The following MTFP1 variants were observed in gnomAD, a reference collection of about 807,000 sequenced individuals.
The protein encoded by MTFP1 is mitochondrial fission process 1.
Under a neutral mutation model 17.1 loss-of-function variants are expected in MTFP1, and 19 were observed. The observed-to-expected ratio is 1.11, with a 90% CI of 0.77 to 1.63. The LOEUF is 1.63. MTFP1 is among the 40% of genes most tolerant of loss of function. The probability of loss-of-function intolerance (pLI) is 0.00; values close to 1 mark genes in which losing one functional copy is unlikely to be tolerated. For synonymous variants in MTFP1, 89 were observed against 95.2 expected, an observed-to-expected ratio of 0.93 and a Z score of 0.38; for missense variants, 221 against 226.2, an observed-to-expected ratio of 0.98 and a Z score of 0.15.
intron 1 of MTFP1, among the ~76,000 whole-genome samples, chr22:30,426,259 TTC>T (rs879536424): frequency 9.2e-5 from 14 of 152,190 alleles, no homozygotes; most frequent in Non-Finnish European, 1.9e-4. Flanking sequence ...GAACCTCAGT[TTC>T]CTCCTCGGCA....
chr22:30,428,478 C>T lies in MTFP1; in HGVS notation c.445C>T (p.Leu149=), dbSNP rs780445606. The T allele has an allele frequency of 2.5e-6, 4 of 1,614,152 alleles. No individual in the cohort carries two copies. The highest frequency in any genetic ancestry group is 3.4e-6 in the Non-Finnish European group (4 of 1,180,020). The change falls in exon 4 of 4, where the codon CTG becomes TTG. Residue 149 remains leucine (L), a synonymous_variant. Transcript: ENST00000266263. ...HPIDRSVDFL[L]DSSLRKLYPT... Reference sequence around the variant, plus strand: ...TCCCTACAGGTCGGTGGATTTCCTCCTGGACTCCAGCCTGCGCAAGCTCTA... The same window carrying T: ...TCCCTACAGGTCGGTGGATTTCCTCTTGGACTCCAGCCTGCGCAAGCTCTA...
chr22:30,427,426 G>T, intron 3 of MTFP1, 23 bp downstream of exon 3: 3 of 1,600,732 alleles, frequency 1.9e-6, no homozygotes, highest in Non-Finnish European at 2.6e-6. Flanking sequence ...TTGGCCTCAG[G>T]GATCATCCAC....
In MTFP1 at chr22:30,428,577, T is replaced by G; in HGVS notation, c.*43T>G. On this transcript the variant is annotated 3_prime_UTR_variant, in exon 4 of 4. Transcript: ENST00000266263. Reference sequence around the variant, plus strand: ...GCCTGTGCATCGGCCTCCTGCTTCATGTCAACCTCCTACTCCTGCCAGGGA... The same window carrying G: ...GCCTGTGCATCGGCCTCCTGCTTCAGGTCAACCTCCTACTCCTGCCAGGGA... 6.2e-7 allele frequency: 1 copy of G among 1,614,184 alleles called. No individual in the cohort carries two copies.
Position 30,425,770 on chromosome 22 carries a change from T to C in MTFP1, c.-110T>C, listed in dbSNP as rs565396891. ...TGGCGGAGATTTCCTGACCTGTCCTTCGGCGCGGGACTTTCGGCGGGTCCC... is the reference window on the plus strand; with the variant it reads ...TGGCGGAGATTTCCTGACCTGTCCTCCGGCGCGGGACTTTCGGCGGGTCCC... On this transcript the variant is annotated 5_prime_UTR_variant, in exon 1 of 4. Coordinates refer to ENST00000266263, the MANE Select transcript of MTFP1 (RefSeq NM_016498.5). The C allele has an allele frequency of 1.2e-5, 14 of 1,175,414 alleles. No individual in the cohort carries two copies. Among genetic ancestry groups the C allele is most frequent in the African/African-American group, 4.9e-5 (3 of 61,786 alleles). 72.8% of individuals were successfully genotyped at this position (1,175,414 alleles called of 1,614,324 possible). A position where few individuals can be genotyped will look rare whatever the true frequency, so the allele number is the denominator to read the frequency against.
At chr22:30,428,391 C>G (rs774730834) in intron 3 of MTFP1, 71 bp from the exon 4 acceptor site, 1 of 1,389,410 alleles carries the variant, frequency 7.2e-7, no homozygotes, top group Admixed American at 1.8e-5. Context: ...TTCCCTAACC[C>G]TGGCCTTCTG....
At position 30,426,716 on chromosome 22, in the gene MTFP1, G is replaced by A; in HGVS notation, c.68-1G>A. The A allele has an allele frequency of 1.2e-6, 2 of 1,614,036 alleles. No individual in the cohort carries two copies. Among genetic ancestry groups the A allele is most frequent in the Non-Finnish European group, 1.7e-6 (2 of 1,179,984 alleles). The stretch of plus-strand genomic sequence containing the variant: ...TAGGAATTAAATGTTCCCTCCCCCA[G>A]GCTATGCCAATGAGGTGGGCGAGGC... On this transcript the variant is annotated splice_acceptor_variant, in intron 1 of 3. Transcript: ENST00000266263. LOFTEE classifies it high-confidence loss of function.
Position 30,428,658 on chromosome 22 carries a change from G to A in MTFP1, c.*124G>A, listed in dbSNP as rs143355158. The A allele has an allele frequency of 1.1e-5, 17 of 1,614,014 alleles. No individual in the cohort carries two copies. Among genetic ancestry groups the A allele is most frequent in the Non-Finnish European group, 1.4e-5 (16 of 1,180,030 alleles). ...GACCCTGGCACCTGGGTGGGTTTGA[G>A]CTGGACAGAAGCTTAGAGACAAAGG... On this transcript the variant is annotated 3_prime_UTR_variant, in exon 4 of 4. Transcript: ENST00000266263.
Position 30,426,795 on chromosome 22 carries a change from G to A in MTFP1, c.146G>A (p.Ser49Asn). ...GTGTGGCTGAGCTATGGCGTGGCCA[G>A]CTCCTACGTGCTGGCGGATGCCATT... is the stretch of plus-strand genomic sequence containing the variant. ...AVVWLSYGVA[S>N]SYVLADAIDK... The change falls in exon 2 of 4, where the codon AGC (serine) becomes AAC (asparagine). Residue 49 changes from serine (S) to asparagine (N), a missense_variant. Ser to Asn is a conservative substitution (Grantham distance 46, BLOSUM62 1). Transcript: ENST00000266263. 1.2e-6 allele frequency: 2 copies of A among 1,613,612 alleles called. No individual in the cohort carries two copies. Among genetic ancestry groups the A allele is most frequent in the Non-Finnish European group, 1.7e-6 (2 of 1,180,000 alleles).
rs1874712403 is a variant in MTFP1 at position 30,428,608 on chromosome 22, G to A, written c.*74G>A. On this transcript the variant is annotated 3_prime_UTR_variant, in exon 4 of 4. Transcript: ENST00000266263. ...CCTCCTACTCCTGCCAGGGAATGTGGACACCTGGCTCCCTGGTGTCCAAAG... is the reference window on the plus strand; with the variant it reads ...CCTCCTACTCCTGCCAGGGAATGTGAACACCTGGCTCCCTGGTGTCCAAAG... The A allele has an allele frequency of 1.9e-6, 3 of 1,614,190 alleles. No individual in the cohort carries two copies. Among genetic ancestry groups the A allele is most frequent in the Non-Finnish European group, 2.5e-6 (3 of 1,180,024 alleles).
Position 30,425,784 on chromosome 22 carries a change from T to C in MTFP1, c.-96T>C. The C allele has an allele frequency of 1.5e-6, 2 of 1,302,662 alleles. No individual in the cohort carries two copies. The highest frequency in any genetic ancestry group is 1.6e-5 in the African/African-American group (1 of 64,450). The allele number at this position is 1,302,662 out of a possible 1,614,324, so 80.7% of individuals were successfully genotyped here. On this transcript the variant is annotated 5_prime_UTR_variant, in exon 1 of 4. Coordinates refer to ENST00000266263, the MANE Select transcript of MTFP1 (RefSeq NM_016498.5). The stretch of plus-strand genomic sequence containing the variant: ...TGACCTGTCCTTCGGCGCGGGACTT[T>C]CGGCGGGTCCCGGCCGGGCAGACCC...
chr22:30,426,903 C>T (rs1327714764), intron 2 of MTFP1, 59 bp downstream of exon 2: 31 of 1,596,360 alleles, frequency 1.9e-5, no homozygotes, highest in Middle Eastern at 1.7e-4. Flanking sequence ...GTGGTTCAGT[C>T]CACAGCCTTG....
chr22:30,426,602 C>T (rs1454720090), intron 1 of MTFP1, 115 bp from the exon 2 acceptor site: 9 of 1,386,138 alleles, frequency 6.5e-6, no homozygotes, highest in Admixed American at 6.4e-5. Context: ...GAGGTCAAGT[C>T]ACTTGCCTAA....
chr22:30,427,060 G>A, intron 2 of MTFP1, 111 bp from the exon 3 acceptor site: 1 of 1,387,130 alleles, frequency 7.2e-7, no homozygotes, highest in Non-Finnish European at 1.0e-6. Context: ...CCCACTCCTG[G>A]GTGCGGACAA....
At chr22:30,428,351 G>A (rs1934706681) in intron 3 of MTFP1, 111 bp from the exon 4 acceptor site, 1 of 874,574 alleles carries the variant, frequency 1.1e-6, no homozygotes, top group African/African-American at 1.7e-5. Context: ...CTGGCTGGAT[G>A]GCATTTGTAT....
intron 1 of MTFP1, 105 bp downstream of exon 1, chr22:30,426,051 T>C: frequency 9.0e-7 from 1 of 1,115,982 alleles, no homozygotes; most frequent in Non-Finnish European, 1.2e-6. Context: ...ATGATCTTAG[T>C]TCTCATTCTG....
At chr22:30,425,993 G>T (rs1258155301) in intron 1 of MTFP1, 47 bp downstream of exon 1, 17 of 1,439,448 alleles carry the variant, frequency 1.2e-5, no homozygotes, top group Non-Finnish European at 1.5e-5. Context: ...CACTGGGCTG[G>T]AGAAGCAGGG....
At chr22:30,428,392 TG>T in intron 3 of MTFP1, 69 bp from the exon 4 acceptor site, 1 of 1,393,796 alleles carries the variant, frequency 7.2e-7, no homozygotes, top group Non-Finnish European at 1.0e-6. Context: ...TCCCTAACCC[TG>T]GCCTTCTGCC....
intron 2 of MTFP1, 33 bp from the exon 3 acceptor site, chr22:30,427,138 C>T (rs2146057546): frequency 6.2e-7 from 1 of 1,609,392 alleles, no homozygotes; most frequent in Non-Finnish European, 8.5e-7. Flanking sequence ...CTGCCTCTGC[C>T]CCAGCTGGAT....
In MTFP1 at chr22:30,427,546, G is replaced by T. The variant is rs1010898471; in HGVS notation, c.428+143G>T. On this transcript the variant is annotated intron_variant, in intron 3 of 3. Transcript: ENST00000266263. ...ATAGCAGGGACAAGGCTGGCACTTG[G>T]CTCCTGGGTTAGAAAGGACAGCCTG... is the stretch of plus-strand genomic sequence containing the variant. The T allele has an allele frequency of 8.0e-5, 70 of 878,766 alleles. 1 individual carries two copies. The Middle Eastern group carries it at 1.0e-3, about 13-fold the overall frequency. The allele number at this position is 878,766 out of a possible 1,614,324, so 54.4% of individuals were successfully genotyped here.
Sources: gnomAD v4.1 joint callset for allele counts (sites outside exome capture counted in the v4.1 genomes callset) on GRCh38, gnomAD v4.1.1 for gene constraint, MANE v1.5 for transcripts, NCBI Gene and HGNC (gene_info 2026-07-23, HGNC 2026-07-21) for gene names.